Variants in ZNF331 observed in about 807,000 individuals in gnomAD.
ZNF331 encodes C2H2-like zinc finger protein rearranged in thyroid adenomas.
Under a neutral mutation model 7.0 loss-of-function variants are expected in ZNF331, and 2 were observed. The observed-to-expected ratio is 0.29, with a 90% CI of 0.12 to 0.90. The LOEUF is 0.90. Ranked by LOEUF, ZNF331 falls within the 40% of genes least tolerant of loss-of-function variation. ZNF331 has a pLI of 0.58. For missense variants in ZNF331, 432 were observed against 587.7 expected (o/e 0.74, Z 2.74); for synonymous variants, 196 against 205.4 (o/e 0.95, Z 0.39).
rs1018251580 is a variant in ZNF331, at chr19:53,580,118, G to A, written c.*2166G>A. The stretch of plus-strand genomic sequence containing the variant: ...TTTCAGATGTCTCACCACAAAGAAG[G>A]AGGATAAGGGAGCGAGGTGATGGAT... On this transcript the variant is annotated 3_prime_UTR_variant, in exon 6 of 6. Coordinates refer to ENST00000449416, the MANE Select transcript of ZNF331 (RefSeq NM_001079906.2). 4.8e-5 allele frequency: 10 copies of A among 210,268 alleles called. No individual in the cohort carries two copies. Among genetic ancestry groups the A allele is most frequent in the Non-Finnish European group, 7.7e-5 (8 of 103,622 alleles). The allele number at this position is 210,268 out of a possible 1,614,324, so 13.0% of individuals were successfully genotyped here.
At chr19:53,556,752 C>G (rs185000218) in intron 3 of ZNF331, among the ~76,000 whole-genome samples, 54 of 152,168 alleles carry the variant, frequency 3.5e-4, no homozygotes, top group African/African-American at 1.3e-3. Flanking sequence ...ATCTTCCCAC[C>G]CCAGCCTCCC....
At chr19:53,526,686 G>A (rs1267615647) in intron 2 of ZNF331, among the ~76,000 whole-genome samples, 1 of 151,706 alleles carries the variant, frequency 6.6e-6, no homozygotes, top group African/African-American at 2.4e-5. Context: ...CCGAGTAGCT[G>A]GGACTACAGG....
At chr19:53,506,460 C>CTCTCTCTCTCTCTCTCTCTCTGTCTG in the ZNF331 span, among the ~76,000 whole-genome samples, 12 of 131,414 alleles carry the variant, frequency 9.1e-5, no homozygotes, top group Non-Finnish European at 1.5e-4. Flanking sequence ...CTCTCTCTCT[C>CTCTCTCTCTCTCTCTCTCTCTGTCTG]TCTCTCTCTC....
intron 3 of ZNF331, among the ~76,000 whole-genome samples, chr19:53,564,309 T>G (rs1224927642): frequency 3.3e-5 from 5 of 152,058 alleles, no homozygotes; most frequent in Non-Finnish European, 5.9e-5. Flanking sequence ...AGATGGAGTC[T>G]TCCCCTGTTG....
intron 3 of ZNF331, among the ~76,000 whole-genome samples, chr19:53,568,736 T>G (rs1418989358): frequency 6.7e-6 from 1 of 149,514 alleles, no homozygotes; most frequent in Admixed American, 6.7e-5. Flanking sequence ...TTAAATTGTC[T>G]GGGCCTGTCT....
chr19:53,557,777 A>G (rs927982213), intron 3 of ZNF331, among the ~76,000 whole-genome samples: 1 of 152,210 alleles, frequency 6.6e-6, no homozygotes, highest in Non-Finnish European at 1.5e-5. Flanking sequence ...CAGCCTGGCC[A>G]GCATGGCGTA....
chr19:53,506,947 T>C, the ZNF331 span, among the ~76,000 whole-genome samples: 179 of 152,238 alleles, frequency 1.2e-3, 1 homozygote, highest in Middle Eastern at 6.8e-3. Flanking sequence ...AAATCCTCAC[T>C]ATGCAGATGA....
At chr19:53,547,733 GAT>G (rs1389078576) in intron 2 of ZNF331, among the ~76,000 whole-genome samples, 2 of 152,096 alleles carry the variant, frequency 1.3e-5, no homozygotes, top group African/African-American at 2.4e-5. Flanking sequence ...TGTATGAGGT[GAT>G]ATCTCATTGT....
At chr19:53,546,162 T>TATATATATATA (rs1568486289) in intron 2 of ZNF331, among the ~76,000 whole-genome samples, 2 of 97,886 alleles carry the variant, frequency 2.0e-5, no homozygotes, top group African/African-American at 6.2e-5. Flanking sequence ...AAAAAAAAAA[T>TATATATATATA]TATTATTTAG....
At position 53,556,211 on chromosome 19, in the gene ZNF331, C is replaced by G. The variant is rs368163199; in HGVS notation, c.-74+303C>G. Among the ~76,000 whole-genome samples the G allele has an allele frequency of 4.5e-3, 650 of 145,788 alleles. 6 individuals are homozygous for G. Among genetic ancestry groups the G allele is most frequent in the African/African-American group, 0.016 (613 of 39,278 alleles). On this transcript the variant is annotated intron_variant, in intron 3 of 5. Coordinates refer to ENST00000449416, the MANE Select transcript of ZNF331 (RefSeq NM_001079906.2). ...TGAGCCGAGATCGCACCGCTTCACT[C>G]CAGCCTGGGCAACACAGCGAGACTC...
intron 2 of ZNF331, among the ~76,000 whole-genome samples, chr19:53,548,460 T>C (rs1478999313): frequency 6.6e-6 from 1 of 152,186 alleles, no homozygotes; most frequent in Admixed American, 6.5e-5. Flanking sequence ...TCTCACCATG[T>C]TGCCCAGGCT....
At chr19:53,551,742 A>G (rs2089025161) in intron 2 of ZNF331, among the ~76,000 whole-genome samples, 1 of 152,174 alleles carries the variant, frequency 6.6e-6, no homozygotes, top group South Asian at 2.1e-4. Flanking sequence ...ATTCTAAACC[A>G]TACAGTATGA....
the ZNF331 span, among the ~76,000 whole-genome samples, chr19:53,514,400 C>T: frequency 2.0e-5 from 3 of 151,918 alleles, no homozygotes; most frequent in Non-Finnish European, 2.9e-5. Context: ...GGGGTTTCAC[C>T]ATATCGGTCA....
chr19:53,573,469 T>G lies in ZNF331; in HGVS notation c.136+1739T>G, dbSNP rs1221870859. ...GGTAGAGGTATAGCATTTCTTTTTT[T>G]TTTTAAGTTGAGATTTTTTTCTTTT... is the stretch of plus-strand genomic sequence containing the variant. On this transcript the variant is annotated intron_variant, in intron 5 of 5. Transcript: ENST00000449416. This position sits in a 1 kb window ranked among gnomAD's most constrained non-coding sequence, Gnocchi z 4.2. 6.6e-6 allele frequency among the ~76,000 whole-genome samples: 1 copy of G among 151,970 alleles called. No homozygotes were observed.
At chr19:53,576,002 G>A (rs764374043) in intron 5 of ZNF331, among the ~76,000 whole-genome samples, 1 of 148,484 alleles carries the variant, frequency 6.7e-6, no homozygotes, top group Non-Finnish European at 1.5e-5. Context: ...TTTTTGTTTT[G>A]AGACAGAGTT....
At chr19:53,548,197 C>A (rs185570790) in intron 2 of ZNF331, among the ~76,000 whole-genome samples, 1 of 152,192 alleles carries the variant, frequency 6.6e-6, no homozygotes, top group Admixed American at 6.5e-5. Context: ...CAACCTCCGC[C>A]TCCCGGGTTC....
intron 2 of ZNF331, among the ~76,000 whole-genome samples, chr19:53,544,223 C>CAA (rs749703319): frequency 1.8e-5 from 2 of 114,226 alleles, no homozygotes; most frequent in Admixed American, 9.2e-5. Flanking sequence ...GACTCCGTCT[C>CAA]AAAAAAAAAA....
intron 3 of ZNF331, among the ~76,000 whole-genome samples, 170 bp from the exon 4 acceptor site, chr19:53,569,134 G>A (rs2090316457): frequency 6.6e-6 from 1 of 152,084 alleles, no homozygotes; most frequent in African/African-American, 2.4e-5. Context: ...GGGATTACAG[G>A]CGTGAGCCAC....
upstream of ZNF331, among the ~76,000 whole-genome samples, chr19:53,534,478 G>A (rs954494984): frequency 6.6e-6 from 1 of 152,020 alleles, no homozygotes; most frequent in African/African-American, 2.4e-5. Flanking sequence ...TTAGTAGATG[G>A]GGTTTCACCA....
Sources: allele counts gnomAD v4.1 joint callset (sites outside exome capture counted in the v4.1 genomes callset), GRCh38; gene constraint gnomAD v4.1.1; non-coding constraint Gnocchi (gnomAD v3.1); transcripts MANE v1.5; gene names NCBI Gene and HGNC (gene_info 2026-07-23, HGNC 2026-07-21).